KCNH5: variants seen among roughly 807,000 people sequenced by gnomAD.
The protein encoded by KCNH5 is voltage-gated delayed rectifier potassium channel KCNH5.
Under a neutral mutation model 96.1 loss-of-function variants are expected in KCNH5, and 46 were observed. That is an observed-to-expected ratio of 0.48 (90% CI 0.38 to 0.61). The LOEUF (loss-of-function observed/expected upper bound fraction) is 0.61. KCNH5 is among the 20% of genes least tolerant of loss of function. The pLI, the probability that KCNH5 is intolerant of heterozygous loss-of-function variation, is 0.00. For missense variants in KCNH5, 907 were observed against 1,225.8 expected (o/e 0.74, Z 3.88); for synonymous variants, 439 against 449.8 (o/e 0.98, Z 0.30).
intron 1 of KCNH5, among the ~76,000 whole-genome samples, chr14:63,039,016 A>G (rs937031930): frequency 1.3e-5 from 2 of 152,088 alleles, no homozygotes; most frequent in Non-Finnish European, 2.9e-5. Context: ...TTTCCACAAC[A>G]ATAATTGCCA....
intron 8 of KCNH5, among the ~76,000 whole-genome samples, chr14:62,816,934 T>G (rs1020254352): frequency 6.6e-6 from 1 of 151,188 alleles, no homozygotes; most frequent in Non-Finnish European, 1.5e-5. Flanking sequence ...TTGAATTCTC[T>G]ATTGCATTTT....
At chr14:62,940,405 T>G (rs1005133678) in intron 7 of KCNH5, among the ~76,000 whole-genome samples, 1 of 152,232 alleles carries the variant, frequency 6.6e-6, no homozygotes, top group Non-Finnish European at 1.5e-5. Context: ...CTTCCTGGAT[T>G]GCTGCAACAG....
chr14:62,771,603 T>C (rs930205885), intron 10 of KCNH5, among the ~76,000 whole-genome samples: 5 of 152,050 alleles, frequency 3.3e-5, no homozygotes, highest in Admixed American at 1.3e-4. Flanking sequence ...CCAGCCTGGG[T>C]GACAGAGCGA....
At chr14:62,810,340 C>T (rs915191235) in intron 8 of KCNH5, among the ~76,000 whole-genome samples, 1 of 151,958 alleles carries the variant, frequency 6.6e-6, no homozygotes, top group Non-Finnish European at 1.5e-5. Context: ...CTCTGCAACC[C>T]TTATGATTAA....
intron 10 of KCNH5, among the ~76,000 whole-genome samples, chr14:62,734,552 A>G (rs2139928004): frequency 6.6e-6 from 1 of 152,228 alleles, no homozygotes; most frequent in African/African-American, 2.4e-5. Flanking sequence ...ATTTCTTTCC[A>G]GGAAGCCCCT....
At chr14:62,738,668 G>A (rs939440282) in intron 10 of KCNH5, among the ~76,000 whole-genome samples, 3 of 152,090 alleles carry the variant, frequency 2.0e-5, no homozygotes, top group African/African-American at 7.2e-5. Flanking sequence ...TAGGGCATCT[G>A]ATATCAACTC....
intron 10 of KCNH5, among the ~76,000 whole-genome samples, chr14:62,753,172 C>G (rs1052631765): frequency 2.0e-5 from 3 of 152,050 alleles, no homozygotes; most frequent in African/African-American, 7.2e-5. Context: ...TAAAAAGAAT[C>G]AAACAGAAAT....
intron 8 of KCNH5, among the ~76,000 whole-genome samples, chr14:62,842,583 A>G (rs1887607977): frequency 1.3e-5 from 2 of 152,186 alleles, no homozygotes; most frequent in Admixed American, 1.3e-4. Context: ...TCTTGCAATG[A>G]TATGCTGGTT....
At chr14:62,978,380 T>C (rs755181000) in intron 6 of KCNH5, among the ~76,000 whole-genome samples, 1 of 152,218 alleles carries the variant, frequency 6.6e-6, no homozygotes, top group Non-Finnish European at 1.5e-5. Flanking sequence ...ACTTAGCTAC[T>C]ACACTCAACA....
At chr14:62,934,622 C>T (rs1382343540) in intron 7 of KCNH5, among the ~76,000 whole-genome samples, 1 of 152,174 alleles carries the variant, frequency 6.6e-6, no homozygotes, top group Non-Finnish European at 1.5e-5. Flanking sequence ...TTGCTATCCT[C>T]TCACTGAAAC....
At chr14:62,858,711 T>C (rs1214931133) in intron 7 of KCNH5, among the ~76,000 whole-genome samples, 1 of 152,138 alleles carries the variant, frequency 6.6e-6, no homozygotes, top group Non-Finnish European at 1.5e-5. Context: ...TGATGGTGAA[T>C]GGTGCCACTT....
At chr14:62,851,290 T>G (rs1887799065) in intron 7 of KCNH5, among the ~76,000 whole-genome samples, 1 of 152,058 alleles carries the variant, frequency 6.6e-6, no homozygotes. Flanking sequence ...TATTCATATT[T>G]AAAAACAAAA....
chr14:62,810,506 G>A (rs1402848164), intron 8 of KCNH5, among the ~76,000 whole-genome samples: 1 of 152,014 alleles, frequency 6.6e-6, no homozygotes, highest in Non-Finnish European at 1.5e-5. Context: ...ATAAGAGGTT[G>A]GCACAAGATA....
At chr14:62,846,753 C>G (rs970396102) in intron 8 of KCNH5, among the ~76,000 whole-genome samples, 7 of 101,846 alleles carry the variant, frequency 6.9e-5, no homozygotes, top group Admixed American at 1.9e-4. Flanking sequence ...TGCTTCAAGT[C>G]TTTATTTATT....
In KCNH5 at chr14:62,736,399, TA is replaced by T. The variant is rs71120230; in HGVS notation, c.2020-27945del. 2.0e-3 allele frequency among the ~76,000 whole-genome samples: 288 copies of T among 146,692 alleles called. 1 individual carries two copies. Among genetic ancestry groups the T allele is most frequent in the African/African-American group, 6.5e-3 (258 of 39,892 alleles). ...CCCCTCATTCTAAAGTTCACCTTAATAAAAAAAAAAAGCTGTCTAAATCCAA... is the reference window on the plus strand; with the variant it reads ...CCCCTCATTCTAAAGTTCACCTTAATAAAAAAAAAAGCTGTCTAAATCCAA... On this transcript the variant is annotated intron_variant, in intron 10 of 10. Coordinates refer to ENST00000322893, the MANE Select transcript of KCNH5 (RefSeq NM_139318.5).
intron 7 of KCNH5, among the ~76,000 whole-genome samples, chr14:62,857,317 A>G (rs1887948996): frequency 6.6e-6 from 1 of 152,320 alleles, no homozygotes; most frequent in Admixed American, 6.5e-5. Flanking sequence ...AGAAATTAAC[A>G]TAACAGTAAA....
chr14:62,817,375 G>A (rs1417064996), intron 8 of KCNH5, among the ~76,000 whole-genome samples: 2 of 148,004 alleles, frequency 1.4e-5, no homozygotes, highest in Non-Finnish European at 3.0e-5. Flanking sequence ...GAATTCTGGA[G>A]CTTAAGAATA....
chr14:62,994,086 A>G (rs1890863055), intron 4 of KCNH5, among the ~76,000 whole-genome samples: 1 of 152,106 alleles, frequency 6.6e-6, no homozygotes, highest in South Asian at 2.1e-4. Flanking sequence ...AAATCAATCT[A>G]CTAGACTGCA....
At chr14:62,725,332 G>A (rs1270158105) in intron 10 of KCNH5, among the ~76,000 whole-genome samples, 1 of 152,164 alleles carries the variant, frequency 6.6e-6, no homozygotes, top group Non-Finnish European at 1.5e-5. Context: ...TTACTTTTGG[G>A]TGGAAGAACC....
Sources: allele counts gnomAD v4.1 joint callset (sites outside exome capture counted in the v4.1 genomes callset), GRCh38; gene constraint gnomAD v4.1.1; transcripts MANE v1.5; gene names NCBI Gene and HGNC (gene_info 2026-07-23, HGNC 2026-07-21).